Variants in KDM1B observed in about 807,000 individuals in gnomAD.
KDM1B encodes lysine demethylase 1B.
In KDM1B, 63 loss-of-function variants were observed where a neutral mutation model predicts 107.4. That is an observed-to-expected ratio of 0.59 (90% confidence interval 0.48 to 0.72). The LOEUF is 0.72. Ranked by LOEUF, KDM1B falls within the 30% of genes least tolerant of loss-of-function variation. KDM1B has a pLI of 0.00. For missense variants in KDM1B, 749 were observed against 1,020.8 expected, an observed-to-expected ratio of 0.73 and a Z score of 3.63; for synonymous variants, 363 against 363.9, an observed-to-expected ratio of 1.00 and a Z score of 0.03.
chr6:18,208,263 G>A, intron 17 of KDM1B, 57 bp downstream of exon 17: 2 of 1,276,098 alleles, frequency 1.6e-6, no homozygotes, highest in Admixed American at 2.1e-5. Context: ...GGGGCTTGGA[G>A]GGAAGGACAA....
Position 18,174,605 on chromosome 6 carries a change from A to T in KDM1B, c.534+3126A>T, listed in dbSNP as rs115301552. Among the ~76,000 whole-genome samples, 339 of 150,044 alleles carry T rather than the reference A, an allele frequency of 2.3e-3. 1 individual carries two copies. The highest frequency in any genetic ancestry group is 7.7e-3 in the African/African-American group (315 of 41,006). On this transcript the variant is annotated intron_variant, in intron 7 of 21. Coordinates refer to ENST00000650836, the MANE Select transcript of KDM1B (RefSeq NM_001364614.2). ...ACCCTGTTTGTAGCCGTTTGTCCCT[A>T]GCCCCCCTTCTACTTTTCCCCCCAA...
At chr6:18,187,406 G>A (rs371357107) in intron 8 of KDM1B, among the ~76,000 whole-genome samples, 3 of 152,184 alleles carry the variant, frequency 2.0e-5, no homozygotes, top group East Asian at 1.9e-4. Flanking sequence ...AGTTAAAGGC[G>A]GGGGGCTTGA....
chr6:18,177,382 A>G (rs1334817520), intron 7 of KDM1B, among the ~76,000 whole-genome samples: 1 of 150,766 alleles, frequency 6.6e-6, no homozygotes, highest in Non-Finnish European at 1.5e-5. Context: ...TTGTCTATCA[A>G]CTTTATTTAT....
intron 12 of KDM1B, among the ~76,000 whole-genome samples, chr6:18,198,054 G>A (rs1787767763): frequency 6.6e-6 from 1 of 151,012 alleles, no homozygotes; most frequent in South Asian, 2.1e-4. Context: ...GTGCCATCAT[G>A]CCCAGCGAAT....
intron 20 of KDM1B, among the ~76,000 whole-genome samples, 166 bp from the exon 21 acceptor site, chr6:18,217,567 T>C (rs377707116): frequency 7.3e-4 from 111 of 152,054 alleles, no homozygotes; most frequent in South Asian, 2.1e-3. Flanking sequence ...TTAGTAGAGA[T>C]GGGGTTTCAC....
rs1374649989 is a variant in KDM1B, at chr6:18,187,884, C to T, written c.666C>T (p.Ala222=). 4 of 1,550,474 alleles carry T rather than the reference C, an allele frequency of 2.6e-6. No individual in the cohort carries two copies. In the East Asian group the frequency reaches 9.8e-5, roughly 38 times the overall value. ...KDSVAAPLLS[A]YYPDCVGMSP... ...GTGTGGCAGCGCCCCTGCTGTCTGC[C>T]TACTACCCTGACTGTGTTGGCATGA... Residue 222 remains alanine, a synonymous_variant, in exon 9 of 22, where the codon GCC becomes GCT. Coordinates refer to ENST00000650836, the MANE Select transcript of KDM1B (RefSeq NM_001364614.2).
rs1277563111 is a variant in KDM1B, at chr6:18,166,317, G to C, written c.356G>C (p.Ser119Thr). Reference protein sequence around the residue: ...KYTTWKKIWTSNGKTEPSPKA... With the variant: ...KYTTWKKIWTTNGKTEPSPKA... ...ACTACATGGAAAAAAATATGGACTA[G>C]CAATGGCAAAACCGAACCTAGTCCC... is the stretch of plus-strand genomic sequence containing the variant. The change falls in exon 6 of 22, where the codon AGC (serine) becomes ACC (threonine). Residue 119 changes from serine to threonine, a missense_variant. By Grantham distance (58) the Ser-to-Thr change is moderately conservative. Coordinates refer to ENST00000650836, the MANE Select transcript of KDM1B (RefSeq NM_001364614.2). 6.2e-7 allele frequency: 1 copy of C among 1,613,150 alleles called. No homozygotes were observed. Among genetic ancestry groups the C allele is most frequent in the African/African-American group, 1.3e-5 (1 of 74,872 alleles).
chr6:18,165,938 A>G (rs1785268934), intron 5 of KDM1B, among the ~76,000 whole-genome samples: 1 of 152,198 alleles, frequency 6.6e-6, no homozygotes, highest in Non-Finnish European at 1.5e-5. Flanking sequence ...GCAGCACACC[A>G]TGATTCATGA....
At chr6:18,171,666 T>C (rs1044380594) in intron 7 of KDM1B, among the ~76,000 whole-genome samples, 187 bp downstream of exon 7, 4 of 152,154 alleles carry the variant, frequency 2.6e-5, no homozygotes, top group Admixed American at 6.5e-5. Flanking sequence ...TTATAAGCAG[T>C]TAAGACATAG....
intron 7 of KDM1B, among the ~76,000 whole-genome samples, chr6:18,173,822 G>T (rs1026427719): frequency 7.2e-5 from 11 of 152,160 alleles, no homozygotes; most frequent in African/African-American, 2.4e-4. Context: ...GTCTTGCTCT[G>T]TTGCCCAGGC....
At position 18,205,492 on chromosome 6, in the gene KDM1B, C is replaced by A; in HGVS notation, c.1532-45C>A. On this transcript the variant is annotated intron_variant, in intron 14 of 21. Coordinates refer to ENST00000650836, the MANE Select transcript of KDM1B (RefSeq NM_001364614.2). The surrounding 1 kb of genome is among the most constrained non-coding windows in gnomAD (Gnocchi z 5.7). ...AGCAAAGGAGAAAGAATTGGAGAATCTTGTTAAAGCTATTTTTTTCTGCTT... is the reference window on the plus strand; with the variant it reads ...AGCAAAGGAGAAAGAATTGGAGAATATTGTTAAAGCTATTTTTTTCTGCTT... 6.5e-7 allele frequency: 1 copy of A among 1,528,080 alleles called. No homozygotes were observed. The highest frequency in any genetic ancestry group is 8.8e-7 in the Non-Finnish European group (1 of 1,134,898). The allele number at this position is 1,528,080 out of a possible 1,614,324, so 94.7% of individuals were successfully genotyped here. A position where few individuals can be genotyped will look rare whatever the true frequency, so the allele number is the denominator to read the frequency against.
rs531805149 is a variant in KDM1B at position 18,205,716 on chromosome 6, G to T, written c.1659+52G>T. The T allele has an allele frequency of 7.7e-6, 11 of 1,437,316 alleles. No individual in the cohort carries two copies. The highest frequency in any genetic ancestry group is 1.0e-5 in the Non-Finnish European group (11 of 1,094,746). 89.0% of individuals were successfully genotyped at this position (1,437,316 alleles called of 1,614,324 possible). ...GCTTTGAAAATACTTGGTTTAGGCCGGGCGCAGTGGCTCACGCCTGTAATC... is the reference window on the plus strand; with the variant it reads ...GCTTTGAAAATACTTGGTTTAGGCCTGGCGCAGTGGCTCACGCCTGTAATC... On this transcript the variant is annotated intron_variant, in intron 15 of 21. Coordinates refer to ENST00000650836, the MANE Select transcript of KDM1B (RefSeq NM_001364614.2). This position sits in a 1 kb window ranked among gnomAD's most constrained non-coding sequence, Gnocchi z 5.7.
In KDM1B at chr6:18,221,801, A is replaced by C. The variant is rs1028800949; in HGVS notation, c.2386-108A>C. The stretch of plus-strand genomic sequence containing the variant: ...GTGAGTGTGAATATGAGCACACAGG[A>C]GTGGCACAAATCTTTATGTTAGACC... On this transcript the variant is annotated intron_variant, in intron 21 of 21. Coordinates refer to ENST00000650836, the MANE Select transcript of KDM1B (RefSeq NM_001364614.2). The C allele has an allele frequency of 2.8e-5, 24 of 850,962 alleles. No individual in the cohort carries two copies. In the African/African-American group the frequency reaches 4.1e-4, roughly 14 times the overall value. The allele number at this position is 850,962 out of a possible 1,614,324, so 52.7% of individuals were successfully genotyped here.
chr6:18,186,118 C>T lies in KDM1B; in HGVS notation c.573+308C>T, dbSNP rs536997432. ...TGCTGTACTTGTTTTTCAAGGATGACTTTGTGACCTTTTCTCCACTTGAGT... is the reference window on the plus strand; with the variant it reads ...TGCTGTACTTGTTTTTCAAGGATGATTTTGTGACCTTTTCTCCACTTGAGT... On this transcript the variant is annotated intron_variant, in intron 8 of 21. Transcript: ENST00000650836. The surrounding 1 kb of genome is among the most constrained non-coding windows in gnomAD (Gnocchi z 5.6). Among the ~76,000 whole-genome samples the T allele has an allele frequency of 2.1e-4, 32 of 152,296 alleles. No individual in the cohort carries two copies. The South Asian group carries it at 6.4e-3, about 31-fold the overall frequency.
At chr6:18,169,053 G>A (rs1317213408) in intron 6 of KDM1B, among the ~76,000 whole-genome samples, 1 of 151,826 alleles carries the variant, frequency 6.6e-6, no homozygotes, top group East Asian at 1.9e-4. Context: ...TGTATTTTTA[G>A]TAGAGACGGA....
chr6:18,177,151 T>C (rs1786072976), intron 7 of KDM1B, among the ~76,000 whole-genome samples: 1 of 152,226 alleles, frequency 6.6e-6, no homozygotes, highest in Non-Finnish European at 1.5e-5. Flanking sequence ...CTACTTGTTA[T>C]TGGCCTGTTC....
At chr6:18,164,027 A>G (rs768398985) in intron 5 of KDM1B, among the ~76,000 whole-genome samples, 1 of 152,214 alleles carries the variant, frequency 6.6e-6, no homozygotes, top group Non-Finnish European at 1.5e-5. Context: ...TTCAGTTACT[A>G]AGAAAAGTGT....
intron 10 of KDM1B, among the ~76,000 whole-genome samples, chr6:18,192,271 C>T (rs577405468): frequency 6.6e-6 from 1 of 151,992 alleles, no homozygotes. Context: ...CCAAAAAAAC[C>T]CACAGAGATT....
At chr6:18,185,126 T>C (rs1470145885) in intron 7 of KDM1B, among the ~76,000 whole-genome samples, 1 of 152,250 alleles carries the variant, frequency 6.6e-6, no homozygotes, top group Non-Finnish European at 1.5e-5. Context: ...CTGGAAAATA[T>C]AACCCAGTTA....
Sources: allele counts gnomAD v4.1 joint callset (sites outside exome capture counted in the v4.1 genomes callset), GRCh38; gene constraint gnomAD v4.1.1; non-coding constraint Gnocchi (gnomAD v3.1); transcripts MANE v1.5; gene names NCBI Gene and HGNC (gene_info 2026-07-23, HGNC 2026-07-21).